AATF: variants seen among roughly 807,000 people sequenced by gnomAD.
AATF encodes apoptosis antagonizing transcription factor.
AATF carries 48 observed loss-of-function variants against 63.7 expected under a neutral mutation model. That is an observed-to-expected ratio of 0.75 (90% confidence interval 0.60 to 0.96). The LOEUF (loss-of-function observed/expected upper bound fraction) is 0.96. Ranked by LOEUF, AATF falls within the 40% of genes least tolerant of loss-of-function variation. The probability of loss-of-function intolerance (pLI) is 0.00; values close to 1 mark genes in which losing one functional copy is unlikely to be tolerated. For missense variants in AATF, 639 were observed against 685.7 expected, an observed-to-expected ratio of 0.93 and a Z score of 0.76; for synonymous variants, 258 against 247.7, an observed-to-expected ratio of 1.04 and a Z score of -0.39.
intron 2 of AATF, 63 bp from the exon 3 acceptor site, chr17:36,952,823 T>A: frequency 1.9e-6 from 3 of 1,562,832 alleles, no homozygotes; most frequent in Non-Finnish European, 2.6e-6. Flanking sequence ...AAATGAAGTC[T>A]ATGGCTTGGT....
At chr17:36,962,764 A>C (rs1388655864) in intron 4 of AATF, among the ~76,000 whole-genome samples, 1 of 152,140 alleles carries the variant, frequency 6.6e-6, no homozygotes, top group African/African-American at 2.4e-5. Context: ...TCATTGCACA[A>C]TGGAACCTCT....
In AATF at chr17:37,025,132, C is replaced by T. The variant is rs543071026; in HGVS notation, c.1547+4118C>T. ...AAGGAAAGTGAGAAGGTTGGAATGA[C>T]TCCCAGAGTTTCAGGGAACTAGATA... On this transcript the variant is annotated intron_variant, in intron 10 of 11. Transcript: ENST00000619387. Among the ~76,000 whole-genome samples, 5 of 152,270 alleles carry T rather than the reference C, an allele frequency of 3.3e-5. No individual in the cohort carries two copies. In the South Asian group the frequency reaches 1.0e-3, roughly 32 times the overall value.
At position 36,989,298 on chromosome 17, in the gene AATF, A is replaced by G; in HGVS notation, c.1201A>G (p.Met401Val). ...CTTGACTCAGATCGACCATATTCTG[A>G]TGGACAAAGAGAGATTACTTCGAAG... is the stretch of plus-strand genomic sequence containing the variant. ...SILTQIDHILMDKERLLRRTQ... is the reference protein window; with the variant it reads ...SILTQIDHILVDKERLLRRTQ... Residue 401 changes from methionine (M) to valine (V), a missense_variant, in exon 7 of 12, where the codon ATG becomes GTG. By Grantham distance (21) the Met-to-Val change is conservative (BLOSUM62 1). Coordinates refer to ENST00000619387, the MANE Select transcript of AATF (RefSeq NM_012138.4). 6.2e-7 allele frequency: 1 copy of G among 1,613,928 alleles called. No homozygotes were observed. The highest frequency in any genetic ancestry group is 1.3e-5 in the African/African-American group (1 of 75,008).
intron 10 of AATF, among the ~76,000 whole-genome samples, chr17:37,029,001 T>A (rs1344906133): frequency 1.3e-5 from 2 of 152,168 alleles, no homozygotes; most frequent in Admixed American, 1.3e-4. Context: ...TAACAACAAT[T>A]GTCTATAGGT....
chr17:36,992,498 T>C (rs2071223313), intron 8 of AATF, among the ~76,000 whole-genome samples: 1 of 152,172 alleles, frequency 6.6e-6, no homozygotes, highest in Non-Finnish European at 1.5e-5. Context: ...GTTCCAGTCC[T>C]CATTAATTGA....
intron 8 of AATF, among the ~76,000 whole-genome samples, chr17:37,001,180 A>G (rs1230170785): frequency 6.6e-6 from 1 of 152,000 alleles, no homozygotes; most frequent in Non-Finnish European, 1.5e-5. Context: ...CTATCCAGGC[A>G]TGGTGGTCCA....
intron 10 of AATF, among the ~76,000 whole-genome samples, chr17:37,024,213 C>T (rs1013319116): frequency 1.3e-5 from 2 of 152,160 alleles, no homozygotes; most frequent in African/African-American, 2.4e-5. Flanking sequence ...AGAAATAATC[C>T]TGCTCCACCC....
chr17:37,020,987 G>C lies in AATF; in HGVS notation c.1520G>C (p.Arg507Thr). ...LRSKIHKKVDRKASKGRKLRF... is the reference protein window; with the variant it reads ...LRSKIHKKVDTKASKGRKLRF... ...AGCAAAATCCACAAAAAAGTAGATA[G>C]GAAAGCCAGCAAAGGCAGGAAACTT... Residue 507 changes from arginine to threonine, a missense_variant, in exon 10 of 12, where the codon AGG becomes ACG. Physicochemically the swap from Arg to Thr is moderately conservative, Grantham distance 71. Transcript: ENST00000619387. 6.2e-7 allele frequency: 1 copy of C among 1,611,062 alleles called. No individual in the cohort carries two copies. The highest frequency in any genetic ancestry group is 2.2e-5 in the East Asian group (1 of 44,656).
chr17:36,978,273 A>T (rs550177041), intron 4 of AATF, among the ~76,000 whole-genome samples: 1 of 152,240 alleles, frequency 6.6e-6, no homozygotes, highest in East Asian at 1.9e-4. Flanking sequence ...AAAAGAAAAA[A>T]ATAAGTTTTG....
At chr17:37,051,699 C>T (rs397832754) in intron 11 of AATF, among the ~76,000 whole-genome samples, 5 of 137,680 alleles carry the variant, frequency 3.6e-5, no homozygotes, top group African/African-American at 1.0e-4. Context: ...GACAGACAGA[C>T]ACACACACAC....
At chr17:36,955,081 A>G (rs970701525) in intron 4 of AATF, among the ~76,000 whole-genome samples, 2 of 152,174 alleles carry the variant, frequency 1.3e-5, no homozygotes, top group African/African-American at 4.8e-5. Flanking sequence ...CTCAGCTGAG[A>G]TCAATATGTC....
intron 11 of AATF, among the ~76,000 whole-genome samples, chr17:37,042,765 G>C (rs1369558659): frequency 2.1e-5 from 3 of 141,114 alleles, no homozygotes; most frequent in African/African-American, 8.0e-5. Flanking sequence ...TTTTTGAGAC[G>C]GAGTCTTGCT....
In AATF at chr17:36,989,341, C is replaced by G; in HGVS notation, c.1244C>G (p.Ser415Cys). The part of the protein sequence containing the change: ...RLLRRTQTKR[S>C]VYRVLGKPEP... ...CTTCGAAGGACACAGACCAAGCGCT[C>G]TGTCTATCGAGTTCTTGGCAAACCT... is the stretch of plus-strand genomic sequence containing the variant. The change falls in exon 7 of 12, where the codon TCT becomes TGT. Residue 415 changes from serine (S) to cysteine (C), a missense_variant. By Grantham distance (112) the Ser-to-Cys change is moderately radical. Transcript: ENST00000619387. The G allele has an allele frequency of 1.2e-6, 2 of 1,614,130 alleles. No individual in the cohort carries two copies. The highest frequency in any genetic ancestry group is 2.2e-5 in the East Asian group (1 of 44,876).
In AATF at chr17:36,968,270, C is replaced by CTTTTTTTTT. The variant is rs3049638; in HGVS notation, c.832+14385_832+14393dup. Among the ~76,000 whole-genome samples the CTTTTTTTTT allele has an allele frequency of 1.7e-3, 41 of 23,788 alleles. 2 individuals are homozygous for CTTTTTTTTT. The highest frequency in any genetic ancestry group is 3.4e-3 in the African/African-American group (21 of 6,140). 15.6% of individuals were successfully genotyped at this position (23,788 alleles called of 152,430 possible). A position where few individuals can be genotyped will look rare whatever the true frequency, so the allele number is the denominator to read the frequency against. ...TTTCTTTTTCTTTCTTTCCTTCTTT[C>CTTTTTTTTT]TTTTTTTTTTTTTTTTTTTTTTTTT... On this transcript the variant is annotated intron_variant, in intron 4 of 11. Coordinates refer to ENST00000619387, the MANE Select transcript of AATF (RefSeq NM_012138.4).
intron 8 of AATF, among the ~76,000 whole-genome samples, chr17:37,001,011 TA>T (rs112191330): frequency 0.052 from 7,928 of 151,922 alleles, 339 homozygotes; most frequent in African/African-American, 0.12. Context: ...CAAACCAGAC[TA>T]AAACATCACA....
chr17:36,982,539 G>A (rs371852515), intron 4 of AATF, among the ~76,000 whole-genome samples: 2 of 151,934 alleles, frequency 1.3e-5, no homozygotes, highest in East Asian at 3.9e-4. Context: ...ATTTTTAGTA[G>A]AGATGGGGTT....
chr17:37,031,183 G>A (rs765695530), intron 10 of AATF, among the ~76,000 whole-genome samples: 2 of 149,328 alleles, frequency 1.3e-5, no homozygotes, highest in Non-Finnish European at 2.9e-5. Flanking sequence ...ATGGGGAAAG[G>A]AATGTCTGTA....
chr17:36,981,803 T>C (rs536239417), intron 4 of AATF, among the ~76,000 whole-genome samples: 7 of 151,712 alleles, frequency 4.6e-5, no homozygotes, highest in Non-Finnish European at 8.8e-5. Context: ...TCCCAAAGTG[T>C]TGGGTTTACA....
chr17:36,987,817 A>G (rs1354565626), intron 5 of AATF, among the ~76,000 whole-genome samples: 3 of 152,224 alleles, frequency 2.0e-5, no homozygotes, highest in African/African-American at 7.2e-5. Context: ...AGTTGGTTAC[A>G]GAGAGACACA....
Sources: allele counts gnomAD v4.1 joint callset (sites outside exome capture counted in the v4.1 genomes callset), GRCh38; gene constraint gnomAD v4.1.1; transcripts MANE v1.5; gene names NCBI Gene and HGNC (gene_info 2026-07-23, HGNC 2026-07-21).